Variants in NAV2 observed in about 807,000 individuals in gnomAD.
NAV2 encodes the protein helicase, APC down-regulated 1.
A neutral mutation model predicts 223.2 loss-of-function variants in NAV2; 54 were observed. The ratio of observed to expected loss-of-function variants is 0.24; its 90% confidence interval spans 0.19 to 0.30. NAV2 has a LOEUF of 0.30. NAV2 is among the 10% of genes least tolerant of loss of function. NAV2 has a pLI of 1.00. For synonymous variants in NAV2, 1,279 were observed against 1,239.3 expected, an observed-to-expected ratio of 1.03 and a Z score of -0.67; for missense variants, 2,806 against 3,147.5, an observed-to-expected ratio of 0.89 and a Z score of 2.60.
chr11:19,873,500 A>G (rs1314232504), intron 4 of NAV2, among the ~76,000 whole-genome samples: 2 of 152,212 alleles, frequency 1.3e-5, no homozygotes, highest in Non-Finnish European at 2.9e-5. Context: ...AAACAAAAGT[A>G]GGAACATCCT....
intron 10 of NAV2, among the ~76,000 whole-genome samples, chr11:19,969,126 C>T (rs1481284603): frequency 6.6e-6 from 1 of 152,264 alleles, no homozygotes; most frequent in East Asian, 1.9e-4. Flanking sequence ...TATTGAAATT[C>T]TAAAAGAGAA....
chr11:19,885,889 T>C (rs1247931218), intron 5 of NAV2, among the ~76,000 whole-genome samples: 1 of 152,210 alleles, frequency 6.6e-6, no homozygotes, highest in Non-Finnish European at 1.5e-5. Flanking sequence ...CTAGGTGCCT[T>C]TCCTAGCCAG....
chr11:19,941,857 G>A (rs183804561), intron 8 of NAV2, among the ~76,000 whole-genome samples: 13 of 152,126 alleles, frequency 8.5e-5, no homozygotes, highest in South Asian at 4.1e-4. Context: ...TCCAATCACC[G>A]GATATAATTC....
chr11:19,998,481 G>A lies in NAV2; in HGVS notation c.2768+14234G>A, dbSNP rs528276884. The stretch of plus-strand genomic sequence containing the variant: ...CATCAGATCTCCTCTGCCCTTGCCT[G>A]AAACCCTCCCTTAGTGCCTTTCCAT... On this transcript the variant is annotated intron_variant, in intron 11 of 37. Coordinates refer to ENST00000349880, the MANE Select transcript of NAV2 (RefSeq NM_145117.5). The surrounding 1 kb of genome is among the most constrained non-coding windows in gnomAD (Gnocchi z 5.0). Among the ~76,000 whole-genome samples, 3 of 152,118 alleles carry A rather than the reference G, an allele frequency of 2.0e-5. No homozygotes were observed. The highest frequency in any genetic ancestry group is 4.8e-5 in the African/African-American group (2 of 41,492).
rs575914235 is a variant in NAV2 at position 19,634,748 on chromosome 11, G to A, written c.76-197736G>A. Among the ~76,000 whole-genome samples, 51 of 152,326 alleles carry A rather than the reference G, an allele frequency of 3.3e-4. 1 individual carries two copies. The highest frequency in any genetic ancestry group is 2.1e-3 in the South Asian group (10 of 4,830). On this transcript the variant is annotated intron_variant, in intron 1 of 37. Transcript: ENST00000360655. ...ATTTCACAGGTTAGGTACATTGGTAGAAGAGAAGGACAGAATTCTGGGGCA... is the reference window on the plus strand; with the variant it reads ...ATTTCACAGGTTAGGTACATTGGTAAAAGAGAAGGACAGAATTCTGGGGCA...
At chr11:20,083,898 C>G (rs1294348510) in intron 26 of NAV2, among the ~76,000 whole-genome samples, 4 of 152,224 alleles carry the variant, frequency 2.6e-5, no homozygotes, top group Non-Finnish European at 4.4e-5. Context: ...GTGCCGCTGA[C>G]CCTAAGTCCA....
At chr11:19,993,339 G>A (rs181719971) in intron 11 of NAV2, among the ~76,000 whole-genome samples, 1 of 152,202 alleles carries the variant, frequency 6.6e-6, no homozygotes, top group East Asian at 1.9e-4. Context: ...ACTGCAAGAA[G>A]AAAGAGAGCA....
chr11:19,762,433 C>A (rs574130776), intron 1 of NAV2, among the ~76,000 whole-genome samples: 1 of 152,250 alleles, frequency 6.6e-6, no homozygotes, highest in East Asian at 1.9e-4. Context: ...TTTGTGGCTT[C>A]ATTTTCCATG....
chr11:19,524,066 T>A (rs2043766425), intron 1 of NAV2, among the ~76,000 whole-genome samples: 1 of 152,218 alleles, frequency 6.6e-6, no homozygotes, highest in Admixed American at 6.5e-5. Flanking sequence ...TTAGCACTTG[T>A]CAACCTGTAT....
At chr11:19,644,669 G>A (rs1293193913) in intron 1 of NAV2, among the ~76,000 whole-genome samples, 1 of 152,206 alleles carries the variant, frequency 6.6e-6, no homozygotes, top group African/African-American at 2.4e-5. Context: ...ATTTTCTGGG[G>A]CCACTACAGG....
rs75006256 is a variant in NAV2 at position 19,486,252 on chromosome 11, A to C, written c.75+135225A>C. ...CCGGAAACAGGAAGGTCTTAGGTGC[A>C]TCCATTTATAGTCTCTTCCTGGGAC... On this transcript the variant is annotated intron_variant, in intron 1 of 37. Coordinates refer to the NAV2 transcript ENST00000360655. 7.6e-3 allele frequency among the ~76,000 whole-genome samples: 1,158 copies of C among 152,212 alleles called. 21 individuals are homozygous for C. The highest frequency in any genetic ancestry group is 0.026 in the African/African-American group (1,094 of 41,540).
chr11:19,639,344 T>C (rs939433386), intron 1 of NAV2, among the ~76,000 whole-genome samples: 2 of 152,214 alleles, frequency 1.3e-5, no homozygotes, highest in African/African-American at 4.8e-5. Flanking sequence ...TGACTGCCCC[T>C]GTGTGGAAGG....
At chr11:19,587,498 C>T (rs746027389) in intron 1 of NAV2, among the ~76,000 whole-genome samples, 8 of 152,158 alleles carry the variant, frequency 5.3e-5, no homozygotes, top group Non-Finnish European at 1.0e-4. Flanking sequence ...TGGAGCTGTT[C>T]CTATTCAGCC....
chr11:20,119,781 C>T lies in NAV2; in HGVS notation c.*1523C>T, dbSNP rs980567683. 6.6e-6 allele frequency: 1 copy of T among 151,988 alleles called. No individual in the cohort carries two copies. The highest frequency in any genetic ancestry group is 2.4e-5 in the African/African-American group (1 of 41,164). The allele number at this position is 151,988 out of a possible 1,614,324, so 9.4% of individuals were successfully genotyped here. ...TCAAGTTGCTGTGACTTTTCTCATC[C>T]AAAAGACTCATTTGTGTGGATGCGT... On this transcript the variant is annotated 3_prime_UTR_variant, in exon 38 of 38. Transcript: ENST00000349880.
intron 6 of NAV2, among the ~76,000 whole-genome samples, chr11:19,925,594 C>A (rs1473707648): frequency 6.6e-6 from 1 of 151,986 alleles, no homozygotes; most frequent in Non-Finnish European, 1.5e-5. Flanking sequence ...ACTAAAAATA[C>A]AAAAATTAGC....
At chr11:20,081,852 A>C (rs1480222186) in intron 25 of NAV2, among the ~76,000 whole-genome samples, 1 of 152,222 alleles carries the variant, frequency 6.6e-6, no homozygotes, top group Non-Finnish European at 1.5e-5. Flanking sequence ...GCCTGTTTTC[A>C]AGATGAAACA....
chr11:19,908,564 C>T (rs542862972), intron 6 of NAV2, among the ~76,000 whole-genome samples: 2 of 152,294 alleles, frequency 1.3e-5, no homozygotes, highest in East Asian at 1.9e-4. Flanking sequence ...TAGCCACTAG[C>T]GCTACATGTG....
At chr11:19,703,962 C>A (rs1210853760) in intron 1 of NAV2, among the ~76,000 whole-genome samples, 3 of 151,646 alleles carry the variant, frequency 2.0e-5, no homozygotes, top group Non-Finnish European at 2.9e-5. Context: ...TTCAGAGTAA[C>A]CTCATTGCTT....
At chr11:19,784,832 G>A (rs1350043459) in intron 1 of NAV2, among the ~76,000 whole-genome samples, 2 of 152,074 alleles carry the variant, frequency 1.3e-5, no homozygotes, top group Admixed American at 6.6e-5. Flanking sequence ...GATAATGAAC[G>A]CAAAGCGCTC....
Sources: gnomAD v4.1 joint callset for allele counts (sites outside exome capture counted in the v4.1 genomes callset) on GRCh38, gnomAD v4.1.1 for gene constraint, Gnocchi (gnomAD v3.1) non-coding constraint, MANE v1.5 for transcripts, NCBI Gene and HGNC (gene_info 2026-07-23, HGNC 2026-07-21) for gene names.